CAMK1D: variants seen among roughly 807,000 people sequenced by gnomAD.
The protein encoded by CAMK1D is calcium/calmodulin-dependent protein kinase type 1D.
A neutral mutation model predicts 47.7 loss-of-function variants in CAMK1D; 9 were observed. That is an observed-to-expected ratio of 0.19 (90% CI 0.11 to 0.33). The LOEUF is 0.33. Among genes scored for constraint, CAMK1D ranks in the 10% least tolerant of loss-of-function variants. The pLI is 1.00. For synonymous variants in CAMK1D, 184 were observed against 184.9 expected (o/e 0.99, Z 0.04); for missense variants, 291 against 488.7 (o/e 0.60, Z 3.81).
intron 3 of CAMK1D, among the ~76,000 whole-genome samples, chr10:12,727,039 T>G (rs560187636): frequency 6.6e-6 from 1 of 152,310 alleles, no homozygotes; most frequent in Non-Finnish European, 1.5e-5. Flanking sequence ...CGCGTTATCC[T>G]CAGCCTGCGC....
intron 1 of CAMK1D, among the ~76,000 whole-genome samples, chr10:12,366,854 T>C (rs1323048747): frequency 6.6e-6 from 1 of 152,058 alleles, no homozygotes; most frequent in Non-Finnish European, 1.5e-5. Context: ...TCACTGTGCA[T>C]TGGCTGTGGA....
intron 1 of CAMK1D, among the ~76,000 whole-genome samples, chr10:12,358,214 G>A (rs529219243): frequency 6.6e-6 from 1 of 152,136 alleles, no homozygotes; most frequent in East Asian, 1.9e-4. Flanking sequence ...GACAGAGAGA[G>A]ACCGTGTCCC....
At chr10:12,491,087 G>T (rs1834368929) in intron 1 of CAMK1D, among the ~76,000 whole-genome samples, 1 of 152,132 alleles carries the variant, frequency 6.6e-6, no homozygotes, top group Non-Finnish European at 1.5e-5. Context: ...CTGTGTTTTT[G>T]CCAGAATCAC....
intron 1 of CAMK1D, among the ~76,000 whole-genome samples, chr10:12,495,614 A>G (rs1834515334): frequency 6.6e-6 from 1 of 152,182 alleles, no homozygotes; most frequent in African/African-American, 2.4e-5. Context: ...TTAGCTTTCG[A>G]CGTCCTTTGG....
At chr10:12,503,478 G>C (rs576578984) in intron 1 of CAMK1D, among the ~76,000 whole-genome samples, 1 of 152,198 alleles carries the variant, frequency 6.6e-6, no homozygotes, top group Non-Finnish European at 1.5e-5. Context: ...AGGCGAAGAG[G>C]CCAGAAGAAG....
In CAMK1D at chr10:12,406,722, CAAAAAAAAAAA is replaced by C. The variant is rs3061400; in HGVS notation, c.92+56832_92+56842del. 7.2e-5 allele frequency among the ~76,000 whole-genome samples: 5 copies of C among 69,244 alleles called. No individual in the cohort carries two copies. The East Asian group carries it at 1.9e-3, about 27-fold the overall frequency. 45.4% of individuals were successfully genotyped at this position (69,244 alleles called of 152,430 possible). ...TGGGTGACAAAATGAGACCCTGTCT[CAAAAAAAAAAA>C]AAAAAAAAAAAAAAAAAAATCAAGG... On this transcript the variant is annotated intron_variant, in intron 1 of 10. Coordinates refer to ENST00000619168, the MANE Select transcript of CAMK1D (RefSeq NM_153498.4).
chr10:12,531,056 T>TAAAA (rs11373354), intron 1 of CAMK1D, among the ~76,000 whole-genome samples: 2 of 141,054 alleles, frequency 1.4e-5, no homozygotes, highest in Non-Finnish European at 3.1e-5. Flanking sequence ...AGACTCTGCT[T>TAAAA]AAAAAAAAAA....
At chr10:12,688,296 AGT>A (rs1554810461) in intron 3 of CAMK1D, among the ~76,000 whole-genome samples, 1 of 152,210 alleles carries the variant, frequency 6.6e-6, no homozygotes, top group Non-Finnish European at 1.5e-5. Context: ...AACTCTGCTT[AGT>A]GTGAATGACT....
At chr10:12,352,452 TA>T (rs1837381187) in intron 1 of CAMK1D, among the ~76,000 whole-genome samples, 2 of 151,450 alleles carry the variant, frequency 1.3e-5, no homozygotes, top group Non-Finnish European at 2.9e-5. Context: ...CTACTAACAA[TA>T]ACAAAATTAG....
In CAMK1D at chr10:12,734,379, GATATAGAT is replaced by G. The variant is rs1305029329; in HGVS notation, c.300-26565_300-26558del. Among the ~76,000 whole-genome samples, 365 of 45,522 alleles carry G rather than the reference GATATAGAT, an allele frequency of 8.0e-3. 48 individuals are homozygous for G. The highest frequency in any genetic ancestry group is 0.011 in the South Asian group (14 of 1,320). The allele number at this position is 45,522 out of a possible 152,430, so 29.9% of individuals were successfully genotyped here. A position where few individuals can be genotyped will look rare whatever the true frequency, so the allele number is the denominator to read the frequency against. On this transcript the variant is annotated intron_variant, in intron 3 of 10. Coordinates refer to ENST00000619168, the MANE Select transcript of CAMK1D (RefSeq NM_153498.4). ...ATATATATATATATATATATATATA[GATATAGAT>G]ATAGATATATATATATATACACACA...
chr10:12,530,557 A>G lies in CAMK1D; in HGVS notation c.93-22668A>G, dbSNP rs115659596. Among the ~76,000 whole-genome samples the G allele has an allele frequency of 3.8e-3, 577 of 152,328 alleles. 3 individuals carry two copies. The highest frequency in any genetic ancestry group is 0.013 in the African/African-American group (561 of 41,570). The stretch of plus-strand genomic sequence containing the variant: ...AGTTTTGGTTTGTGCAGTCTAACCA[A>G]TGGAGAAGTACGAAAATCCTGTTAT... On this transcript the variant is annotated intron_variant, in intron 1 of 10. Coordinates refer to ENST00000619168, the MANE Select transcript of CAMK1D (RefSeq NM_153498.4).
intron 1 of CAMK1D, among the ~76,000 whole-genome samples, chr10:12,353,082 C>G (rs1459044337): frequency 6.6e-6 from 1 of 152,154 alleles, no homozygotes. Context: ...AAGATGCCTG[C>G]TCCACCCTGG....
chr10:12,706,404 T>A (rs1833726687), intron 3 of CAMK1D, among the ~76,000 whole-genome samples: 1 of 152,062 alleles, frequency 6.6e-6, no homozygotes, highest in South Asian at 2.1e-4. Context: ...AGCACAGCAG[T>A]GTAGATGGAG....
chr10:12,460,777 G>A (rs928314400), intron 1 of CAMK1D, among the ~76,000 whole-genome samples: 13 of 151,710 alleles, frequency 8.6e-5, no homozygotes, highest in Admixed American at 5.9e-4. Flanking sequence ...ATGTTGCCCA[G>A]GCTCGTCTTG....
chr10:12,462,156 G>GTTTT (rs57336292), intron 1 of CAMK1D, among the ~76,000 whole-genome samples: 3 of 79,626 alleles, frequency 3.8e-5, no homozygotes, highest in African/African-American at 1.5e-4. Flanking sequence ...CCTATGAAGA[G>GTTTT]TTTTTTTTTT....
intron 1 of CAMK1D, chr10:12,415,977 G>A (rs1204717041): frequency 6.6e-6 from 1 of 151,746 alleles, no homozygotes; most frequent in Non-Finnish European, 1.5e-5. Flanking sequence ...TATTCCTTTA[G>A]CGCTAGTATT....
At chr10:12,594,001 A>AC (rs1838072085) in intron 2 of CAMK1D, among the ~76,000 whole-genome samples, 1 of 152,112 alleles carries the variant, frequency 6.6e-6, no homozygotes, top group Non-Finnish European at 1.5e-5. Flanking sequence ...ACGTGGTGAA[A>AC]CCCCATCTCT....
At chr10:12,459,947 T>C (rs919947261) in intron 1 of CAMK1D, among the ~76,000 whole-genome samples, 21 of 152,308 alleles carry the variant, frequency 1.4e-4, no homozygotes, top group African/African-American at 4.8e-4. Context: ...TAACACAGAC[T>C]GGGCAGCCAG....
chr10:12,769,664 T>C lies in CAMK1D; in HGVS notation c.439-9T>C, dbSNP rs1836946984. ...AGTTTGTAATGTTTTTTTCTTATTTTCTTTCTAGCCCGAAAATCTCTTGTA... is the reference window on the plus strand; with the variant it reads ...AGTTTGTAATGTTTTTTTCTTATTTCCTTTCTAGCCCGAAAATCTCTTGTA... On this transcript the variant is annotated splice_polypyrimidine_tract_variant and intron_variant, in intron 4 of 10. Coordinates refer to ENST00000619168, the MANE Select transcript of CAMK1D (RefSeq NM_153498.4). The C allele has an allele frequency of 1.2e-6, 2 of 1,613,818 alleles. No homozygotes were observed. Among genetic ancestry groups the C allele is most frequent in the Non-Finnish European group, 1.7e-6 (2 of 1,179,806 alleles).
Sources: allele counts gnomAD v4.1 joint callset (sites outside exome capture counted in the v4.1 genomes callset), GRCh38; gene constraint gnomAD v4.1.1; transcripts MANE v1.5; gene names NCBI Gene and HGNC (gene_info 2026-07-23, HGNC 2026-07-21).